PDK3: variants seen among roughly 807,000 people sequenced by gnomAD.
PDK3 encodes the protein pyruvate dehydrogenase kinase 3.
Under a neutral mutation model 32.0 loss-of-function variants are expected in PDK3, and 12 were observed. That is an observed-to-expected ratio of 0.37 (90% CI 0.24 to 0.61). The LOEUF is 0.61. Ranked by LOEUF, PDK3 falls within the 20% of genes least tolerant of loss-of-function variation. The pLI, the probability that PDK3 is intolerant of heterozygous loss-of-function variation, is 0.65. For missense variants in PDK3, 188 were observed against 316.9 expected, an observed-to-expected ratio of 0.59 and a Z score of 3.09; for synonymous variants, 122 against 116.3, an observed-to-expected ratio of 1.05 and a Z score of -0.31.
At chrX:24,510,201 A>G (rs1922083358) in intron 5 of PDK3, among the ~76,000 whole-genome samples, 1 of 112,556 alleles carries the variant, frequency 8.9e-6, no homozygotes, top group African/African-American at 3.2e-5. Flanking sequence ...AGAAAGACGA[A>G]CTGGAACCCC....
chrX:24,530,098 C>T (rs1922616090), intron 9 of PDK3, among the ~76,000 whole-genome samples: 1 of 111,711 alleles, frequency 9.0e-6, no homozygotes, highest in Admixed American at 9.5e-5. Flanking sequence ...AGGCTCTGGG[C>T]CTTGCTTGAA....
chrX:24,498,486 CTT>C (rs1489028900), intron 2 of PDK3, among the ~76,000 whole-genome samples: 1 of 112,278 alleles, frequency 8.9e-6, no homozygotes, highest in Non-Finnish European at 1.9e-5. Context: ...TCTAGCGAGT[CTT>C]TTCTGTCATT....
chrX:24,512,674 A>G (rs1376654032), intron 5 of PDK3, among the ~76,000 whole-genome samples: 1 of 111,456 alleles, frequency 9.0e-6, no homozygotes, highest in Non-Finnish European at 1.9e-5. Flanking sequence ...GAGACAGGAG[A>G]ATCGCTTCAA....
chrX:24,469,667 AC>A (rs1920973010), intron 1 of PDK3, among the ~76,000 whole-genome samples: 2 of 110,490 alleles, frequency 1.8e-5, no homozygotes, highest in Non-Finnish European at 3.8e-5. Context: ...GGTATCGCAC[AC>A]CTGGGGTCTT....
Position 24,484,745 on chromosome X carries a change from T to C in PDK3, c.107-9997T>C, listed in dbSNP as rs1358557387. On this transcript the variant is annotated intron_variant, in intron 1 of 10. Transcript: ENST00000379162. ...AGTAGCATATTTTGTATGAGATTTT[T>C]GTATTTTTTTAAAGAATAGAATAGT... 2.7e-5 allele frequency among the ~76,000 whole-genome samples: 3 copies of C among 111,959 alleles called. 1 individual carries two copies. Among genetic ancestry groups the C allele is most frequent in the Non-Finnish European group, 5.6e-5 (3 of 53,196 alleles).
At chrX:24,533,473 G>A (rs1488914257) in intron 10 of PDK3, among the ~76,000 whole-genome samples, 3 of 111,670 alleles carry the variant, frequency 2.7e-5, no homozygotes, top group Non-Finnish European at 5.6e-5. Context: ...CTCAACCTAT[G>A]TATGTGATAC....
Position 24,526,227 on chromosome X carries a change from G to A in PDK3, c.703G>A (p.Val235Ile). Residue 235 changes from valine to isoleucine, a missense_variant, in exon 7 of 11, where the codon GTT (valine) becomes ATT (isoleucine). Coordinates refer to ENST00000379162, the MANE Select transcript of PDK3 (RefSeq NM_005391.5). ...AGCGCCAGACAAACCTATTCAGGTGGTTTATGTGCCCTCACATCTGTTTCA... is the reference window on the plus strand; with the variant it reads ...AGCGCCAGACAAACCTATTCAGGTGATTTATGTGCCCTCACATCTGTTTCA... ...AKAPDKPIQV[V>I]YVPSHLFHML... is the part of the protein sequence containing the mutation. The A allele has an allele frequency of 8.3e-7, 1 of 1,207,162 alleles. No individual in the cohort carries two copies. Among genetic ancestry groups the A allele is most frequent in the Non-Finnish European group, 1.1e-6 (1 of 891,419 alleles).
rs754128734 is a variant in PDK3, at chrX:24,494,739, T to C, written c.107-3T>C. 8 of 1,175,945 alleles carry C rather than the reference T, an allele frequency of 6.8e-6. No homozygotes were observed. Among genetic ancestry groups the C allele is most frequent in the South Asian group, 1.8e-5 (1 of 54,331 alleles). ...TCATGGAACATTTTTCATGTCTTAA[T>C]AGGGAGAGATAATGCATGTGAGAAA... On this transcript the variant is annotated splice_region_variant and splice_polypyrimidine_tract_variant and intron_variant, in intron 1 of 10. Transcript: ENST00000379162.
intron 5 of PDK3, among the ~76,000 whole-genome samples, chrX:24,507,753 T>G (rs1922019489): frequency 8.9e-6 from 1 of 112,424 alleles, no homozygotes; most frequent in Non-Finnish European, 1.9e-5. Flanking sequence ...ACTGGATATT[T>G]GACATTAAAA....
exon 12 of PDK3, chrX:24,547,922 T>TA (rs1398291891): frequency 8.8e-6 from 1 of 113,155 alleles, no homozygotes; most frequent in Non-Finnish European, 1.9e-5. Context: ...AGGTAAAACA[T>TA]AAGAGTTTAG....
At chrX:24,525,113 C>T (rs1286036751) in intron 6 of PDK3, among the ~76,000 whole-genome samples, 3 of 111,535 alleles carry the variant, frequency 2.7e-5, no homozygotes, top group Admixed American at 9.5e-5. Context: ...GCCGAGATGG[C>T]GCCACTGCAC....
chrX:24,480,051 G>A (rs917968558), intron 1 of PDK3, among the ~76,000 whole-genome samples: 59 of 111,499 alleles, frequency 5.3e-4, no homozygotes, highest in African/African-American at 1.9e-3. Flanking sequence ...GAGGGATTGG[G>A]CGCAGTGTGT....
At chrX:24,518,497 C>T (rs757357941) in intron 5 of PDK3, among the ~76,000 whole-genome samples, 5 of 110,219 alleles carry the variant, frequency 4.5e-5, no homozygotes, top group South Asian at 3.9e-4. Context: ...AACAAACAAA[C>T]GAACAAACAA....
chrX:24,471,203 T>C (rs900537749), intron 1 of PDK3, among the ~76,000 whole-genome samples: 1 of 111,823 alleles, frequency 8.9e-6, no homozygotes, highest in Admixed American at 9.5e-5. Flanking sequence ...TAAAGTATAA[T>C]AAAAAAAATT....
chrX:24,531,787 G>C lies in PDK3; in HGVS notation c.1077+17G>C. The C allele has an allele frequency of 1.1e-6, 1 of 901,918 alleles. No homozygotes were observed. The highest frequency in any genetic ancestry group is 1.6e-6 in the Non-Finnish European group (1 of 618,308). 74.3% of individuals were successfully genotyped at this position (901,918 alleles called of 1,213,427 possible). On this transcript the variant is annotated intron_variant, in intron 10 of 10. Transcript: ENST00000379162. ...TATTTGAAGGTACTGCGTTTTATTT[G>C]TTAGTATGAGGCATCTTTGCTTTTT... is the stretch of plus-strand genomic sequence containing the variant.
intron 9 of PDK3, 110 bp downstream of exon 9, chrX:24,528,296 T>G (rs1018573535): frequency 6.6e-6 from 3 of 452,683 alleles, no homozygotes; most frequent in Non-Finnish European, 1.1e-5. Context: ...ATTTAGAAGG[T>G]TGCGTGTATT....
chrX:24,537,075 G>T (rs1451178380), downstream of PDK3, among the ~76,000 whole-genome samples: 3 of 107,487 alleles, frequency 2.8e-5, no homozygotes, highest in Non-Finnish European at 5.8e-5. Flanking sequence ...CTGTGTCCTA[G>T]AATCAACTGT....
At chrX:24,494,151 T>C (rs773598702) in intron 1 of PDK3, among the ~76,000 whole-genome samples, 2 of 112,033 alleles carry the variant, frequency 1.8e-5, no homozygotes, top group African/African-American at 6.5e-5. Context: ...ACCCAGGAGA[T>C]AGTTTCTCTG....
intron 6 of PDK3, among the ~76,000 whole-genome samples, chrX:24,523,301 C>T (rs187450008): frequency 8.9e-6 from 1 of 112,676 alleles, no homozygotes; most frequent in Non-Finnish European, 1.9e-5. Flanking sequence ...AATACCATCA[C>T]ATCAAGGGTT....
Sources: gnomAD v4.1 joint callset for allele counts (sites outside exome capture counted in the v4.1 genomes callset) on GRCh38, gnomAD v4.1.1 for gene constraint, MANE v1.5 for transcripts, NCBI Gene and HGNC (gene_info 2026-07-23, HGNC 2026-07-21) for gene names.